SDK2: variants seen among roughly 807,000 people sequenced by gnomAD.
The protein encoded by SDK2 is protein sidekick-2.
Under a neutral mutation model 253.9 loss-of-function variants are expected in SDK2, and 105 were observed. The ratio of observed to expected loss-of-function variants is 0.41; its 90% CI spans 0.35 to 0.49. SDK2 has a LOEUF of 0.49. SDK2 is among the 20% of genes least tolerant of loss of function. The pLI, the probability that SDK2 is intolerant of heterozygous loss-of-function variation, is 0.06. For synonymous variants in SDK2, 1,249 were observed against 1,234.9 expected (o/e 1.01, Z -0.24); for missense variants, 2,608 against 3,003.0 (o/e 0.87, Z 3.07).
At chr17:73,365,713 A>G (rs2062678923) in intron 37 of SDK2, among the ~76,000 whole-genome samples, 3 of 151,354 alleles carry the variant, frequency 2.0e-5, no homozygotes, top group Admixed American at 2.0e-4. Flanking sequence ...AAGCTGTCAC[A>G]CCCCCGGGGT....
In SDK2 at chr17:73,554,470, T is replaced by C. The variant is rs9907037; in HGVS notation, c.65-46873A>G. 6.2e-3 allele frequency among the ~76,000 whole-genome samples: 949 copies of C among 152,254 alleles called. 11 individuals are homozygous for C. Among genetic ancestry groups the C allele is most frequent in the African/African-American group, 0.02 (847 of 41,558 alleles). Reference sequence around the variant, plus strand: ...AAGCAGAGGAGGTGAGGGCACAGGCTCATATGGAGGAAGAACATGTGAAGA... The same window carrying C: ...AAGCAGAGGAGGTGAGGGCACAGGCCCATATGGAGGAAGAACATGTGAAGA... On this transcript the variant is annotated intron_variant, in intron 1 of 44. Coordinates refer to ENST00000392650, the MANE Select transcript of SDK2 (RefSeq NM_001144952.2).
chr17:73,376,798 C>T (rs2062785608), intron 36 of SDK2, among the ~76,000 whole-genome samples: 1 of 152,222 alleles, frequency 6.6e-6, no homozygotes, highest in African/African-American at 2.4e-5. Context: ...CCAGCTGGTG[C>T]TCCTGGGCAA....
chr17:73,398,834 G>C (rs1210023648), intron 22 of SDK2, among the ~76,000 whole-genome samples: 1 of 152,158 alleles, frequency 6.6e-6, no homozygotes, highest in African/African-American at 2.4e-5. Flanking sequence ...GAGTTTCTGG[G>C]GTAGGGGCAC....
intron 1 of SDK2, among the ~76,000 whole-genome samples, chr17:73,547,973 T>C (rs1294096517): frequency 6.6e-6 from 1 of 152,222 alleles, no homozygotes; most frequent in African/African-American, 2.4e-5. Flanking sequence ...TGTCTTACCA[T>C]GGCAGAGCAG....
intron 1 of SDK2, among the ~76,000 whole-genome samples, chr17:73,610,583 A>G (rs1057250616): frequency 3.9e-5 from 6 of 152,056 alleles, no homozygotes; most frequent in African/African-American, 1.4e-4. Context: ...TGGCATTGCT[A>G]ATTTCCCCCA....
At position 73,642,873 on chromosome 17, in the gene SDK2, C is replaced by T. The variant is rs1158838038; in HGVS notation, c.64+1152G>A. ...ATTATTTTCATCTCTTTGATCTTGG[C>T]TCTCTGGATTGCCTGGCGCACGAGG... is the stretch of plus-strand genomic sequence containing the variant. On this transcript the variant is annotated intron_variant, in intron 1 of 44. Coordinates refer to ENST00000392650, the MANE Select transcript of SDK2 (RefSeq NM_001144952.2). This position sits in a 1 kb window ranked among gnomAD's most constrained non-coding sequence, Gnocchi z 4.7. 6.6e-6 allele frequency among the ~76,000 whole-genome samples: 1 copy of T among 152,216 alleles called. No homozygotes were observed. Among genetic ancestry groups the T allele is most frequent in the Non-Finnish European group, 1.5e-5 (1 of 68,044 alleles).
At chr17:73,408,459 C>T (rs1010486069) in intron 18 of SDK2, among the ~76,000 whole-genome samples, 1 of 152,034 alleles carries the variant, frequency 6.6e-6, no homozygotes, top group African/African-American at 2.4e-5. Flanking sequence ...CTCCTGACCT[C>T]GTGATCCACC....
rs144719818 is a variant in SDK2 at position 73,470,741 on chromosome 17, T to C, written c.331+1371A>G. Among the ~76,000 whole-genome samples the C allele has an allele frequency of 3.0e-3, 459 of 152,370 alleles. 3 individuals are homozygous for C. Among genetic ancestry groups the C allele is most frequent in the African/African-American group, 0.01 (427 of 41,596 alleles). Reference sequence around the variant, plus strand: ...TTTCTCTCCTGCACTTCTCTTTAAGTAGCAAGCTCTCTCTTGTGCTAATTT... The same window carrying C: ...TTTCTCTCCTGCACTTCTCTTTAAGCAGCAAGCTCTCTCTTGTGCTAATTT... On this transcript the variant is annotated intron_variant, in intron 3 of 44. Coordinates refer to ENST00000392650, the MANE Select transcript of SDK2 (RefSeq NM_001144952.2).
Position 73,361,928 on chromosome 17 carries a change from G to A in SDK2, c.5306-83C>T. 2 of 1,415,872 alleles carry A rather than the reference G, an allele frequency of 1.4e-6. No individual in the cohort carries two copies. Among genetic ancestry groups the A allele is most frequent in the East Asian group, 5.0e-5 (2 of 39,618 alleles). The allele number at this position is 1,415,872 out of a possible 1,614,324, so 87.7% of individuals were successfully genotyped here. A position where few individuals can be genotyped will look rare whatever the true frequency, so the allele number is the denominator to read the frequency against. ...CCATGGGGAAGGGGAAGCGGCCGTG[G>A]CCTGGGCCCCGGGACCCTGGGTAGG... On this transcript the variant is annotated intron_variant, in intron 38 of 44. Coordinates refer to ENST00000392650, the MANE Select transcript of SDK2 (RefSeq NM_001144952.2). This position sits in a 1 kb window ranked among gnomAD's most constrained non-coding sequence, Gnocchi z 4.1.
intron 44 of SDK2, among the ~76,000 whole-genome samples, chr17:73,346,280 T>G (rs2062483958): frequency 6.6e-6 from 1 of 152,144 alleles, no homozygotes; most frequent in African/African-American, 2.4e-5. Flanking sequence ...TGTGCTTAAT[T>G]TGATTTCAAC....
intron 2 of SDK2, among the ~76,000 whole-genome samples, chr17:73,499,954 AT>A (rs1271081351): frequency 2.0e-5 from 3 of 149,764 alleles, no homozygotes; most frequent in Non-Finnish European, 3.0e-5. Flanking sequence ...CTTCTATTCG[AT>A]TTTAAGTGTG....
Position 73,618,700 on chromosome 17 carries a change from G to A in SDK2, c.64+25325C>T, listed in dbSNP as rs2046090394. 6.6e-6 allele frequency among the ~76,000 whole-genome samples: 1 copy of A among 152,188 alleles called. No individual in the cohort carries two copies. The highest frequency in any genetic ancestry group is 2.4e-5 in the African/African-American group (1 of 41,452). ...CTTCTACAGGGAAGGTACTTAGACA[G>A]GCAACTTCCTATTCCCCGATCACCC... On this transcript the variant is annotated intron_variant, in intron 1 of 44. Coordinates refer to ENST00000392650, the MANE Select transcript of SDK2 (RefSeq NM_001144952.2). The surrounding 1 kb of genome is among the most constrained non-coding windows in gnomAD (Gnocchi z 4.1).
chr17:73,372,592 A>G (rs2062744074), intron 36 of SDK2, among the ~76,000 whole-genome samples: 1 of 151,826 alleles, frequency 6.6e-6, no homozygotes. Flanking sequence ...AGATCTATAT[A>G]TAGCCGGGCA....
At chr17:73,358,653 T>G (rs1319736491) in intron 39 of SDK2, among the ~76,000 whole-genome samples, 2 of 151,972 alleles carry the variant, frequency 1.3e-5, no homozygotes, top group East Asian at 1.9e-4. Flanking sequence ...AGTGGGCCCA[T>G]GAGAGGAGGG....
At chr17:73,580,119 C>T (rs115516777) in intron 1 of SDK2, among the ~76,000 whole-genome samples, 2,531 of 152,228 alleles carry the variant, frequency 0.017, 73 homozygotes, top group African/African-American at 0.059. Flanking sequence ...CTTGGACTTC[C>T]AGCCTCCAGG....
intron 33 of SDK2, among the ~76,000 whole-genome samples, chr17:73,381,799 G>A (rs1424811732): frequency 6.6e-6 from 1 of 152,076 alleles, no homozygotes. Flanking sequence ...CAGCTACTTG[G>A]GAGGCTGGGG....
intron 2 of SDK2, among the ~76,000 whole-genome samples, chr17:73,502,892 T>G (rs1297026560): frequency 1.3e-5 from 2 of 152,198 alleles, no homozygotes; most frequent in African/African-American, 4.8e-5. Context: ...CTGGTGGATA[T>G]CACCTTGACC....
intron 1 of SDK2, among the ~76,000 whole-genome samples, chr17:73,597,230 G>C (rs951453602): frequency 2.6e-5 from 4 of 152,130 alleles, no homozygotes; most frequent in African/African-American, 7.2e-5. Flanking sequence ...CCTGGTGCTG[G>C]CTACCCAGCA....
chr17:73,453,755 G>A (rs2063504544), intron 4 of SDK2, among the ~76,000 whole-genome samples: 1 of 152,224 alleles, frequency 6.6e-6, no homozygotes, highest in South Asian at 2.1e-4. Context: ...CTTAACCCTG[G>A]CTTCACATTA....
Sources: allele counts gnomAD v4.1 joint callset (sites outside exome capture counted in the v4.1 genomes callset), GRCh38; gene constraint gnomAD v4.1.1; non-coding constraint Gnocchi (gnomAD v3.1); transcripts MANE v1.5; gene names NCBI Gene and HGNC (gene_info 2026-07-23, HGNC 2026-07-21).